Variants in SIRT5 observed in about 807,000 individuals in gnomAD.
The protein encoded by SIRT5 is NAD-dependent protein deacylase sirtuin-5, mitochondrial.
In SIRT5, 26 loss-of-function variants were observed where a neutral mutation model predicts 40.0. The ratio of observed to expected loss-of-function variants is 0.65; its 90% CI spans 0.48 to 0.90. The LOEUF is 0.90. Ranked by LOEUF, SIRT5 falls within the 40% of genes least tolerant of loss-of-function variation. The pLI, the probability that SIRT5 is intolerant of heterozygous loss-of-function variation, is 0.00. For missense variants in SIRT5, 401 were observed against 402.4 expected (o/e 1.00, Z 0.03); for synonymous variants, 146 against 149.1 (o/e 0.98, Z 0.15).
intron 2 of SIRT5, among the ~76,000 whole-genome samples, chr6:13,580,473 AACC>A (rs1347123656): frequency 6.6e-6 from 1 of 152,140 alleles, no homozygotes; most frequent in Non-Finnish European, 1.5e-5. Context: ...TGTCCCTGGA[AACC>A]ACTGGTGTGA....
intron 4 of SIRT5, among the ~76,000 whole-genome samples, chr6:13,590,815 TTG>T (rs1035746828): frequency 8.6e-4 from 130 of 150,718 alleles, no homozygotes; most frequent in African/African-American, 2.7e-3. Flanking sequence ...GTGTGTGTAG[TTG>T]TGTGTGTGTT....
intron 9 of SIRT5, among the ~76,000 whole-genome samples, chr6:13,603,054 G>A (rs1762606564): frequency 6.6e-6 from 1 of 152,108 alleles, no homozygotes; most frequent in African/African-American, 2.4e-5. Context: ...GAGGCAGGTG[G>A]ATCATGAGGT....
At chr6:13,609,878 T>G (rs1467210397) in intron 9 of SIRT5, among the ~76,000 whole-genome samples, 1 of 152,220 alleles carries the variant, frequency 6.6e-6, no homozygotes, top group Non-Finnish European at 1.5e-5. Flanking sequence ...TAAATTTTAC[T>G]TTTTCAATGT....
At chr6:13,605,615 A>G (rs1763002413) in intron 9 of SIRT5, 3 of 985,350 alleles carry the variant, frequency 3.0e-6, no homozygotes, top group Non-Finnish European at 3.6e-6. Context: ...ATGTATTTCT[A>G]TTTTCAAGGT....
chr6:13,605,202 A>G, intron 9 of SIRT5: 1 of 977,606 alleles, frequency 1.0e-6, no homozygotes, highest in Middle Eastern at 5.3e-4. Flanking sequence ...TGTGGGCCAA[A>G]TTTGCCCACC....
At chr6:13,600,108 T>C (rs909451996) in intron 8 of SIRT5, among the ~76,000 whole-genome samples, 13 of 152,250 alleles carry the variant, frequency 8.5e-5, no homozygotes, top group African/African-American at 2.9e-4. Context: ...AATCTTAGCA[T>C]GCTCTTCAAA....
At position 13,612,069 on chromosome 6, in the gene SIRT5, G is replaced by C; in HGVS notation, c.*204G>C. 2.3e-6 allele frequency: 1 copy of C among 426,646 alleles called. No individual in the cohort carries two copies. The allele number at this position is 426,646 out of a possible 1,614,324, so 26.4% of individuals were successfully genotyped here. Reference sequence around the variant, plus strand: ...CATTCAAAAGTCACAGAACTGGAAAGTTAATTCATATTATTTGGTTTGAAC... The same window carrying C: ...CATTCAAAAGTCACAGAACTGGAAACTTAATTCATATTATTTGGTTTGAAC... On this transcript the variant is annotated 3_prime_UTR_variant, in exon 10 of 10. Coordinates refer to ENST00000606117, the MANE Select transcript of SIRT5 (RefSeq NM_012241.5).
At chr6:13,580,105 C>T (rs1759142820) in intron 2 of SIRT5, among the ~76,000 whole-genome samples, 1 of 152,196 alleles carries the variant, frequency 6.6e-6, no homozygotes, top group African/African-American at 2.4e-5. Context: ...TGTTCACTTC[C>T]CTCTAGCAGC....
intron 9 of SIRT5, chr6:13,604,456 C>T: frequency 1.4e-6 from 2 of 1,441,736 alleles, no homozygotes; most frequent in South Asian, 2.3e-5. Flanking sequence ...TTTGGTTCTT[C>T]TAATGTGGTT....
chr6:13,599,163 A>T lies in SIRT5; in HGVS notation c.741+8A>T. 6.2e-7 allele frequency: 1 copy of T among 1,613,232 alleles called. No individual in the cohort carries two copies. Among genetic ancestry groups the T allele is most frequent in the Non-Finnish European group, 8.5e-7 (1 of 1,179,540 alleles). The stretch of plus-strand genomic sequence containing the variant: ...TGTGATTTATGTCTAGTGGTGGGTC[A>T]TGCCCTTCCCTAACCCCAGGACAGG... On this transcript the variant is annotated splice_region_variant and intron_variant, in intron 8 of 9. Coordinates refer to ENST00000606117, the MANE Select transcript of SIRT5 (RefSeq NM_012241.5).
chr6:13,604,508 T>C (rs199647544), intron 9 of SIRT5: 38 of 1,578,824 alleles, frequency 2.4e-5, no homozygotes, highest in Non-Finnish European at 3.2e-5. Flanking sequence ...CTAATTATTA[T>C]AAAGAATTAA....
chr6:13,597,433 T>TA (rs60503838), intron 7 of SIRT5, among the ~76,000 whole-genome samples: 3,571 of 102,322 alleles, frequency 0.035, 145 homozygotes, highest in African/African-American at 0.1. Flanking sequence ...GTTCATAGAT[T>TA]AAAAAAAAAA....
At chr6:13,582,220 A>G (rs1584748192) in intron 2 of SIRT5, among the ~76,000 whole-genome samples, 1 of 152,196 alleles carries the variant, frequency 6.6e-6, no homozygotes, top group South Asian at 2.1e-4. Context: ...ATCTCCTTAC[A>G]TAGCGTTTCC....
rs567588010 is a variant in SIRT5, at chr6:13,586,688, G to A, written c.116-1643G>A. ...CTTCTTCTGAATTCATTTTTACCAG[G>A]AGTCCATGGTAGGGAAGAGAGGAAG... On this transcript the variant is annotated intron_variant, in intron 3 of 9. Transcript: ENST00000606117. Among the ~76,000 whole-genome samples the A allele has an allele frequency of 1.5e-3, 225 of 152,244 alleles. 2 individuals are homozygous for A. The highest frequency in any genetic ancestry group is 5.1e-3 in the African/African-American group (212 of 41,538).
chr6:13,587,425 A>G (rs1196234822), intron 3 of SIRT5, among the ~76,000 whole-genome samples: 1 of 152,172 alleles, frequency 6.6e-6, no homozygotes, highest in East Asian at 1.9e-4. Context: ...CAAGAGAAAC[A>G]GTGGCAGCTT....
intron 5 of SIRT5, among the ~76,000 whole-genome samples, chr6:13,592,169 G>A (rs922088509): frequency 4.6e-5 from 7 of 152,076 alleles, no homozygotes; most frequent in African/African-American, 1.7e-4. Context: ...GCAACATTTG[G>A]CGTCCCCCAA....
chr6:13,597,742 C>T (rs1043262758), intron 7 of SIRT5, among the ~76,000 whole-genome samples: 6 of 151,956 alleles, frequency 3.9e-5, no homozygotes, highest in Admixed American at 2.0e-4. Flanking sequence ...GATGAGGTTT[C>T]GCCATGTTGG....
chr6:13,586,025 G>T (rs1242791986), intron 3 of SIRT5, among the ~76,000 whole-genome samples: 1 of 152,158 alleles, frequency 6.6e-6, no homozygotes, highest in East Asian at 1.9e-4. Flanking sequence ...GTGTCTGTTG[G>T]CTGCATAAAT....
intron 3 of SIRT5, among the ~76,000 whole-genome samples, chr6:13,587,394 C>A (rs1760221669): frequency 6.6e-6 from 1 of 152,174 alleles, no homozygotes. Flanking sequence ...AGCTGACCTC[C>A]CTTTCCCAGT....
Sources: gnomAD v4.1 joint callset for allele counts (sites outside exome capture counted in the v4.1 genomes callset) on GRCh38, gnomAD v4.1.1 for gene constraint, MANE v1.5 for transcripts, NCBI Gene and HGNC (gene_info 2026-07-23, HGNC 2026-07-21) for gene names.